ARID5B: variants seen among roughly 807,000 people sequenced by gnomAD.
ARID5B encodes the protein AT-rich interactive domain-containing protein 5B.
Under a neutral mutation model 97.2 loss-of-function variants are expected in ARID5B, and 13 were observed. The ratio of observed to expected loss-of-function variants is 0.13; its 90% CI spans 0.09 to 0.21. The LOEUF (loss-of-function observed/expected upper bound fraction) is 0.21. ARID5B is among the 10% of genes least tolerant of loss of function. The pLI is 1.00. For synonymous variants in ARID5B, 556 were observed against 570.3 expected (o/e 0.97, Z 0.36); for missense variants, 1,210 against 1,465.3 (o/e 0.83, Z 2.84).
At chr10:61,982,858 C>A (rs889620335) in intron 3 of ARID5B, among the ~76,000 whole-genome samples, 1 of 152,206 alleles carries the variant, frequency 6.6e-6, no homozygotes, top group Non-Finnish European at 1.5e-5. Flanking sequence ...CACGGACCAA[C>A]TTGCAATAAG....
intron 3 of ARID5B, among the ~76,000 whole-genome samples, chr10:61,999,657 A>G (rs761096028): frequency 3.9e-5 from 6 of 152,224 alleles, no homozygotes; most frequent in Non-Finnish European, 8.8e-5. Context: ...ACCATCGTTC[A>G]GTTGAGGATC....
In ARID5B at chr10:62,092,875, C is replaced by T; in HGVS notation, c.3412C>T (p.Gln1138Ter). 1 of 1,614,244 alleles carries T rather than the reference C, an allele frequency of 6.2e-7. No individual in the cohort carries two copies. Among genetic ancestry groups the T allele is most frequent in the Non-Finnish European group, 8.5e-7 (1 of 1,180,048 alleles). The change falls in exon 10 of 10, where the codon CAG becomes TAG. Residue 1138 changes from glutamine to a stop codon, truncating the protein, a stop_gained. Coordinates refer to ENST00000279873, the MANE Select transcript of ARID5B (RefSeq NM_032199.3). LOFTEE classifies it high-confidence loss of function. ...RGIFTSPTNS[Q>*]QLYRHLAAAT... ...AATTTTTACATCACCGACAAATTCTCAGCAGCTGTACAGACACTTGGCTGC... is the reference window on the plus strand; with the variant it reads ...AATTTTTACATCACCGACAAATTCTTAGCAGCTGTACAGACACTTGGCTGC...
At chr10:62,016,646 A>T (rs112868854) in intron 4 of ARID5B, among the ~76,000 whole-genome samples, 314 of 152,346 alleles carry the variant, frequency 2.1e-3, no homozygotes, top group Admixed American at 5.2e-3. Flanking sequence ...CTATACTAAC[A>T]GACCATGTGA....
intron 3 of ARID5B, among the ~76,000 whole-genome samples, chr10:61,947,065 C>T (rs952943430): frequency 4.6e-5 from 7 of 152,176 alleles, no homozygotes; most frequent in Non-Finnish European, 7.4e-5. Flanking sequence ...ACCATGCATT[C>T]GTTAAAGAAT....
At chr10:62,036,174 A>G (rs1403066974) in intron 4 of ARID5B, among the ~76,000 whole-genome samples, 1 of 152,182 alleles carries the variant, frequency 6.6e-6, no homozygotes, top group Non-Finnish European at 1.5e-5. Context: ...AAAGCTAAAA[A>G]AGAAAAGGTA....
chr10:61,910,077 A>C (rs1192160572), intron 2 of ARID5B, among the ~76,000 whole-genome samples: 6 of 152,224 alleles, frequency 3.9e-5, no homozygotes, highest in Admixed American at 3.9e-4. Context: ...TGATGGTCTT[A>C]ACTAAGCCAC....
chr10:61,935,153 T>A (rs924496683), intron 2 of ARID5B, among the ~76,000 whole-genome samples: 3 of 152,132 alleles, frequency 2.0e-5, no homozygotes, highest in Non-Finnish European at 4.4e-5. Context: ...GCCGATAGAC[T>A]TTCTTGGCAC....
intron 8 of ARID5B, among the ~76,000 whole-genome samples, chr10:62,085,007 T>C (rs1371244843): frequency 6.6e-6 from 1 of 152,214 alleles, no homozygotes; most frequent in Admixed American, 6.5e-5. Context: ...GACCTTTTTA[T>C]CTTAGATGTT....
chr10:61,933,268 TC>T (rs2132786541), intron 2 of ARID5B, among the ~76,000 whole-genome samples: 1 of 152,340 alleles, frequency 6.6e-6, no homozygotes, highest in African/African-American at 2.4e-5. Flanking sequence ...TCTTATTGTT[TC>T]CACCACCTCT....
At chr10:62,089,584 A>G (rs1441781858) in intron 9 of ARID5B, among the ~76,000 whole-genome samples, 4 of 142,114 alleles carry the variant, frequency 2.8e-5, no homozygotes, top group Non-Finnish European at 6.0e-5. Context: ...CTATAGTGCA[A>G]TGGCATGATC....
intron 4 of ARID5B, among the ~76,000 whole-genome samples, chr10:62,031,037 C>T (rs915317774): frequency 6.6e-6 from 1 of 152,074 alleles, no homozygotes; most frequent in African/African-American, 2.4e-5. Context: ...AGATCGAGAC[C>T]ATCCTGGCCA....
At chr10:61,963,588 G>C (rs1306187563) in intron 3 of ARID5B, among the ~76,000 whole-genome samples, 1 of 151,980 alleles carries the variant, frequency 6.6e-6, no homozygotes, top group African/African-American at 2.4e-5. Context: ...GACTGGACCA[G>C]CTCGGCAGAG....
rs1838516040 is a variant in ARID5B, at chr10:61,964,422, C to G, written c.502+24014C>G. Among the ~76,000 whole-genome samples, 7 of 152,308 alleles carry G rather than the reference C, an allele frequency of 4.6e-5. 1 individual carries two copies. Among genetic ancestry groups the G allele is most frequent in the Admixed American group, 4.6e-4 (7 of 15,302 alleles). On this transcript the variant is annotated intron_variant, in intron 3 of 9. Transcript: ENST00000279873. ...TGTTAACCCAGGGGCAGGAATCTGT[C>G]TAGTTTCTGTTTGTAGCTTACTGAA...
intron 2 of ARID5B, among the ~76,000 whole-genome samples, chr10:61,931,902 T>G (rs1844217109): frequency 6.6e-6 from 1 of 152,196 alleles, no homozygotes; most frequent in South Asian, 2.1e-4. Context: ...GCATTGCTGT[T>G]GGGAATGTAA....
At chr10:62,039,494 G>A (rs899692278) in intron 4 of ARID5B, among the ~76,000 whole-genome samples, 1 of 152,072 alleles carries the variant, frequency 6.6e-6, no homozygotes, top group Non-Finnish European at 1.5e-5. Context: ...TGTGTGTGCA[G>A]CCTTTTGATT....
chr10:61,979,258 G>A (rs565488094), intron 3 of ARID5B, among the ~76,000 whole-genome samples: 2 of 152,354 alleles, frequency 1.3e-5, no homozygotes, highest in African/African-American at 4.8e-5. Flanking sequence ...GGGAGAGGAA[G>A]CAACTTTTGG....
intron 4 of ARID5B, among the ~76,000 whole-genome samples, chr10:62,032,892 T>C (rs991534180): frequency 6.6e-6 from 1 of 152,210 alleles, no homozygotes; most frequent in African/African-American, 2.4e-5. Context: ...TAGAATTTGG[T>C]CTCCTATTTT....
chr10:62,083,305 G>GAAAAA (rs1840239254), intron 8 of ARID5B, among the ~76,000 whole-genome samples: 1 of 68,230 alleles, frequency 1.5e-5, no homozygotes, highest in Non-Finnish European at 3.2e-5. Flanking sequence ...AAAAATGAAA[G>GAAAAA]AAAAAATGAA....
intron 3 of ARID5B, among the ~76,000 whole-genome samples, chr10:61,999,146 A>G (rs1839041771): frequency 6.6e-6 from 1 of 152,226 alleles, no homozygotes; most frequent in Non-Finnish European, 1.5e-5. Flanking sequence ...GGCTTTCCAC[A>G]GGCCCAAAAG....
Sources: allele counts gnomAD v4.1 joint callset (sites outside exome capture counted in the v4.1 genomes callset), GRCh38; gene constraint gnomAD v4.1.1; transcripts MANE v1.5; gene names NCBI Gene and HGNC (gene_info 2026-07-23, HGNC 2026-07-21).